The following SPOCK3 variants were observed in gnomAD, a reference collection of about 807,000 sequenced individuals.
SPOCK3 encodes SPARC (osteonectin), cwcv and kazal like domains proteoglycan 3, also known as testican-3.
Under a neutral mutation model 56.6 loss-of-function variants are expected in SPOCK3, and 30 were observed. That is an observed-to-expected ratio of 0.53 (90% CI 0.40 to 0.72). The LOEUF (loss-of-function observed/expected upper bound fraction) is 0.72. Among genes scored for constraint, SPOCK3 ranks in the 30% least tolerant of loss-of-function variants. The probability of loss-of-function intolerance (pLI) is 0.00; values close to 1 mark genes in which losing one functional copy is unlikely to be tolerated. For synonymous variants in SPOCK3, 196 were observed against 183.3 expected, an observed-to-expected ratio of 1.07 and a Z score of -0.56; for missense variants, 527 against 530.0, an observed-to-expected ratio of 0.99 and a Z score of 0.06.
rs560227324 is a variant in SPOCK3, at chr4:167,088,810, A to G, written c.190-26273T>C. Among the ~76,000 whole-genome samples the G allele has an allele frequency of 7.2e-5, 11 of 152,242 alleles. No homozygotes were observed. In the South Asian group the frequency reaches 2.3e-3, roughly 32 times the overall value. On this transcript the variant is annotated intron_variant, in intron 2 of 10. Coordinates refer to ENST00000357545, the MANE Select transcript of SPOCK3 (RefSeq NM_001040159.2). ...AGTATTAAAACTTTGTATACTATAA[A>G]AAAATCCATTTTATAGTAGCTAGTA... is the stretch of plus-strand genomic sequence containing the variant.
chr4:167,141,871 C>T (rs1455530821), intron 2 of SPOCK3, among the ~76,000 whole-genome samples: 1 of 151,948 alleles, frequency 6.6e-6, no homozygotes, highest in Non-Finnish European at 1.5e-5. Context: ...AGATTGAAAA[C>T]TCTAAGACAA....
chr4:167,006,990 T>G (rs181819751), intron 3 of SPOCK3, among the ~76,000 whole-genome samples: 1 of 152,312 alleles, frequency 6.6e-6, no homozygotes, highest in African/African-American at 2.4e-5. Flanking sequence ...TCCATGGAGA[T>G]GTACTTAAGG....
intron 4 of SPOCK3, among the ~76,000 whole-genome samples, chr4:166,932,516 T>A (rs1739903323): frequency 6.6e-6 from 1 of 152,142 alleles, no homozygotes; most frequent in Non-Finnish European, 1.5e-5. Flanking sequence ...TTAAACAAAC[T>A]TTCTTTAAGA....
chr4:167,075,174 T>A (rs1163243658), intron 2 of SPOCK3, among the ~76,000 whole-genome samples: 1 of 151,872 alleles, frequency 6.6e-6, no homozygotes, highest in African/African-American at 2.4e-5. Context: ...AGTTTTATTT[T>A]TTTTTTCCAA....
chr4:167,206,488 A>G (rs1450344767), intron 2 of SPOCK3, among the ~76,000 whole-genome samples: 2 of 149,172 alleles, frequency 1.3e-5, no homozygotes, highest in African/African-American at 5.0e-5. Context: ...ATATATAAGA[A>G]TTACATTAAA....
intron 2 of SPOCK3, among the ~76,000 whole-genome samples, chr4:167,112,953 C>G (rs80041428): frequency 0.022 from 3,297 of 152,144 alleles, 53 homozygotes; most frequent in Non-Finnish European, 0.032. Flanking sequence ...TATCCAAGGA[C>G]GCTGGATAAC....
At chr4:166,891,517 C>T (rs1025441403) in intron 5 of SPOCK3, among the ~76,000 whole-genome samples, 1 of 151,854 alleles carries the variant, frequency 6.6e-6, no homozygotes, top group Non-Finnish European at 1.5e-5. Context: ...GTAGCATATT[C>T]ATCCTTTCAA....
intron 4 of SPOCK3, among the ~76,000 whole-genome samples, chr4:166,934,216 C>T (rs1454628514): frequency 4.0e-5 from 6 of 151,768 alleles, no homozygotes; most frequent in Non-Finnish European, 4.4e-5. Context: ...CACGGCCGGG[C>T]GCAGTGGCTC....
intron 3 of SPOCK3, among the ~76,000 whole-genome samples, chr4:167,030,833 C>A (rs1406589970): frequency 1.3e-5 from 2 of 151,986 alleles, no homozygotes; most frequent in African/African-American, 4.8e-5. Context: ...CTAGCAAGGA[C>A]ACTTTTAATA....
intron 2 of SPOCK3, among the ~76,000 whole-genome samples, chr4:167,107,821 A>G (rs1217586535): frequency 6.6e-6 from 1 of 151,926 alleles, no homozygotes; most frequent in East Asian, 1.9e-4. Flanking sequence ...TGAAAAAGAA[A>G]TTAAAAAGTA....
At chr4:166,889,817 G>T (rs1211382923) in intron 5 of SPOCK3, among the ~76,000 whole-genome samples, 1 of 151,842 alleles carries the variant, frequency 6.6e-6, no homozygotes, top group Non-Finnish European at 1.5e-5. Context: ...AGTTACTTGT[G>T]ATTTTCCACA....
chr4:166,906,763 A>G (rs2127076518), intron 5 of SPOCK3, among the ~76,000 whole-genome samples: 1 of 151,982 alleles, frequency 6.6e-6, no homozygotes, highest in African/African-American at 2.4e-5. Context: ...AATTTTTTTT[A>G]GTGATTCAAA....
intron 2 of SPOCK3, among the ~76,000 whole-genome samples, chr4:167,199,613 C>T (rs562651491): frequency 7.4e-4 from 112 of 151,504 alleles, no homozygotes; most frequent in Middle Eastern, 6.8e-3. Flanking sequence ...CAGATGTTTG[C>T]AAGAATAGCC....
intron 7 of SPOCK3, among the ~76,000 whole-genome samples, chr4:166,789,247 T>C (rs974683639): frequency 6.6e-6 from 1 of 151,878 alleles, no homozygotes; most frequent in Non-Finnish European, 1.5e-5. Context: ...CTGACCAACA[T>C]GGAGAAACCC....
intron 3 of SPOCK3, among the ~76,000 whole-genome samples, chr4:167,035,135 A>G (rs943496218): frequency 1.1e-4 from 17 of 152,210 alleles, no homozygotes; most frequent in African/African-American, 3.9e-4. Context: ...GTCAACTCCA[A>G]ATAGAAGAAA....
At chr4:166,990,819 AATG>A (rs1747704671) in intron 4 of SPOCK3, among the ~76,000 whole-genome samples, 1 of 152,134 alleles carries the variant, frequency 6.6e-6, no homozygotes, top group African/African-American at 2.4e-5. Context: ...CATTATTAAT[AATG>A]ATAATATTAA....
At chr4:166,955,842 A>G (rs1026135794) in intron 4 of SPOCK3, among the ~76,000 whole-genome samples, 1 of 151,854 alleles carries the variant, frequency 6.6e-6, no homozygotes, top group Admixed American at 6.6e-5. Flanking sequence ...TCATGAGCTG[A>G]GGAGCAGGAT....
At chr4:167,161,603 C>A (rs78669244) in intron 2 of SPOCK3, among the ~76,000 whole-genome samples, 1 of 152,020 alleles carries the variant, frequency 6.6e-6, no homozygotes, top group Non-Finnish European at 1.5e-5. Flanking sequence ...ATGGTTATTG[C>A]GGCACTATTC....
intron 2 of SPOCK3, among the ~76,000 whole-genome samples, chr4:167,204,291 C>T (rs774502822): frequency 4.5e-4 from 69 of 151,992 alleles, no homozygotes; most frequent in Non-Finnish European, 8.5e-4. Flanking sequence ...AAACTTGTAT[C>T]CTCCTGTATT....
Sources: gnomAD v4.1 joint callset for allele counts (sites outside exome capture counted in the v4.1 genomes callset) on GRCh38, gnomAD v4.1.1 for gene constraint, MANE v1.5 for transcripts, NCBI Gene and HGNC (gene_info 2026-07-23, HGNC 2026-07-21) for gene names.